EYS: variants seen among roughly 807,000 people sequenced by gnomAD.
EYS encodes EGF-like photoreceptor maintenance factor.
Under a neutral mutation model 282.1 loss-of-function variants are expected in EYS, and 250 were observed. That is an observed-to-expected ratio of 0.89 (90% confidence interval 0.80 to 0.98). EYS has a LOEUF of 0.98. Ranked by LOEUF, EYS falls within the 50% of genes least tolerant of loss-of-function variation. The probability of loss-of-function intolerance (pLI) is 0.00; values close to 1 mark genes in which losing one functional copy is unlikely to be tolerated. For synonymous variants in EYS, 1,355 were observed against 1,282.9 expected, an observed-to-expected ratio of 1.06 and a Z score of -1.20; for missense variants, 4,016 against 3,709.0, an observed-to-expected ratio of 1.08 and a Z score of -2.15.
intron 39 of EYS, among the ~76,000 whole-genome samples, chr6:63,784,629 T>G (rs897152483): frequency 1.3e-5 from 2 of 151,840 alleles, no homozygotes; most frequent in Admixed American, 1.3e-4. Flanking sequence ...TACACACTAT[T>G]AAACAACCAG....
Position 63,785,685 on chromosome 6 carries a change from G to A in EYS, c.7723+2420C>T, listed in dbSNP as rs987075165. Among the ~76,000 whole-genome samples, 18 of 152,202 alleles carry A rather than the reference G, an allele frequency of 1.2e-4. 1 individual carries two copies. The highest frequency in any genetic ancestry group is 4.1e-4 in the African/African-American group (17 of 41,512). ...AGTAAGGATTTATATTTTAGATCAC[G>A]AACTTTGGATTAGAGTTATTTATCA... On this transcript the variant is annotated intron_variant, in intron 39 of 42. Coordinates refer to ENST00000503581, the MANE Select transcript of EYS (RefSeq NM_001142800.2).
intron 22 of EYS, among the ~76,000 whole-genome samples, chr6:64,803,308 G>T (rs1764316161): frequency 6.6e-6 from 1 of 151,722 alleles, no homozygotes; most frequent in South Asian, 2.1e-4. Flanking sequence ...AAATTGGGTA[G>T]CTCCTTTCCA....
chr6:64,947,425 T>A (rs955795603), intron 14 of EYS, among the ~76,000 whole-genome samples: 2 of 151,858 alleles, frequency 1.3e-5, no homozygotes, highest in African/African-American at 4.8e-5. Context: ...CCATGCTAGG[T>A]ATTAATAACT....
chr6:64,159,596 A>G (rs12525563), intron 31 of EYS, among the ~76,000 whole-genome samples: 9 of 149,796 alleles, frequency 6.0e-5, no homozygotes, highest in Admixed American at 4.0e-4. Flanking sequence ...AAGTTTATAC[A>G]TATTCAGCAC....
intron 36 of EYS, among the ~76,000 whole-genome samples, chr6:63,836,545 A>T (rs1389609708): frequency 6.6e-6 from 1 of 152,094 alleles, no homozygotes; most frequent in African/African-American, 2.4e-5. Flanking sequence ...TTAGAAATTA[A>T]TGGTCAGCGG....
At chr6:64,503,081 A>G (rs1777103412) in intron 26 of EYS, among the ~76,000 whole-genome samples, 1 of 152,202 alleles carries the variant, frequency 6.6e-6, no homozygotes, top group Non-Finnish European at 1.5e-5. Flanking sequence ...AAATTCAGTT[A>G]TTTCTGTCTG....
intron 28 of EYS, among the ~76,000 whole-genome samples, chr6:64,409,475 A>G (rs1475896243): frequency 6.6e-6 from 1 of 152,216 alleles, no homozygotes; most frequent in African/African-American, 2.4e-5. Context: ...CCTTGAGAGC[A>G]TAACACAGTT....
chr6:64,780,143 C>G (rs1773815126), intron 22 of EYS, among the ~76,000 whole-genome samples: 1 of 151,784 alleles, frequency 6.6e-6, no homozygotes, highest in South Asian at 2.1e-4. Flanking sequence ...GAGAGATCAC[C>G]AATATAAAGG....
chr6:65,171,061 C>T (rs1765093138), intron 12 of EYS, among the ~76,000 whole-genome samples: 1 of 151,488 alleles, frequency 6.6e-6, no homozygotes, highest in Admixed American at 6.6e-5. Flanking sequence ...TAATTAAAAA[C>T]TGAATAGAAG....
intron 12 of EYS, among the ~76,000 whole-genome samples, chr6:65,194,638 A>G (rs1174397292): frequency 6.6e-6 from 1 of 151,910 alleles, no homozygotes; most frequent in Non-Finnish European, 1.5e-5. Context: ...CTTTGTGTTA[A>G]GGCCTTTGTC....
chr6:64,763,616 A>C (rs1773230654), intron 22 of EYS, among the ~76,000 whole-genome samples: 1 of 152,164 alleles, frequency 6.6e-6, no homozygotes, highest in African/African-American at 2.4e-5. Context: ...TCATGTCCTG[A>C]CATTTCAAAA....
intron 12 of EYS, among the ~76,000 whole-genome samples, chr6:65,152,910 AT>A (rs1764646255): frequency 6.6e-6 from 1 of 151,410 alleles, no homozygotes; most frequent in Admixed American, 6.6e-5. Flanking sequence ...AATTAACAAT[AT>A]GACTTCATAT....
chr6:64,626,236 A>T lies in EYS; in HGVS notation c.3453T>A (p.Pro1151=). ...PGHTFDCRCL[P]GFSGQFCEIN... ...TTTCACAAAATTGACCAGAAAATCC[A>T]GGAAGACATCTAAGGAAAAAAAATG... The change falls in exon 23 of 43, where the codon CCT becomes CCA. Residue 1151 remains proline, a synonymous_variant. Transcript: ENST00000503581. 1 of 1,529,060 alleles carries T rather than the reference A, an allele frequency of 6.5e-7. No homozygotes were observed. Among genetic ancestry groups the T allele is most frequent in the Non-Finnish European group, 8.8e-7 (1 of 1,140,224 alleles). 94.7% of individuals were successfully genotyped at this position (1,529,060 alleles called of 1,614,324 possible).
intron 5 of EYS, among the ~76,000 whole-genome samples, chr6:65,471,122 G>A (rs1302788434): frequency 1.3e-5 from 2 of 150,824 alleles, no homozygotes; most frequent in Non-Finnish European, 2.9e-5. Flanking sequence ...GGGTGACAGA[G>A]CACGACGCCG....
chr6:64,587,536 A>G (rs993799114), intron 26 of EYS, among the ~76,000 whole-genome samples: 4 of 152,062 alleles, frequency 2.6e-5, no homozygotes, highest in Non-Finnish European at 5.9e-5. Flanking sequence ...TATTTCCAGT[A>G]ATATGTTTTA....
chr6:65,628,199 T>C (rs112191107), intron 2 of EYS, among the ~76,000 whole-genome samples: 2 of 150,854 alleles, frequency 1.3e-5, no homozygotes, highest in African/African-American at 4.9e-5. Flanking sequence ...CACCCTGTGT[T>C]TAGCTCAAGG....
At chr6:64,043,724 C>CTCTGTTA (rs1336966112) in intron 33 of EYS, among the ~76,000 whole-genome samples, 1 of 152,210 alleles carries the variant, frequency 6.6e-6, no homozygotes, top group Non-Finnish European at 1.5e-5. Flanking sequence ...ATAATACTCT[C>CTCTGTTA]TAACACTGTT....
intron 5 of EYS, among the ~76,000 whole-genome samples, chr6:65,443,406 A>G (rs551571230): frequency 6.7e-5 from 10 of 150,192 alleles, no homozygotes; most frequent in African/African-American, 2.4e-4. Flanking sequence ...ATGTATGTAC[A>G]CATATAGCCA....
chr6:65,436,212 T>G (rs1768069565), intron 5 of EYS, among the ~76,000 whole-genome samples: 1 of 152,072 alleles, frequency 6.6e-6, no homozygotes, highest in African/African-American at 2.4e-5. Flanking sequence ...GAATAAATAT[T>G]TAATAAAATT....
Sources: gnomAD v4.1 joint callset for allele counts (sites outside exome capture counted in the v4.1 genomes callset) on GRCh38, gnomAD v4.1.1 for gene constraint, MANE v1.5 for transcripts, NCBI Gene and HGNC (gene_info 2026-07-23, HGNC 2026-07-21) for gene names.